FAM89A: variants seen among roughly 807,000 people sequenced by gnomAD.
FAM89A encodes family with sequence similarity 89 member A, also known as protein FAM89A.
A neutral mutation model predicts 7.1 loss-of-function variants in FAM89A; 10 were observed. That is an observed-to-expected ratio of 1.40 (90% confidence interval 0.86 to 2.38). FAM89A has a LOEUF of 2.38. FAM89A is among the 30% of genes most tolerant of loss of function. FAM89A has a pLI of 0.00. For missense variants in FAM89A, 276 were observed against 262.8 expected (o/e 1.05, Z -0.35); for synonymous variants, 157 against 129.3 (o/e 1.21, Z -1.45).
rs747038935 is a variant in FAM89A at position 231,029,178 on chromosome 1, GA to G, written c.292-9053del. On this transcript the variant is annotated intron_variant, in intron 1 of 1. Coordinates refer to ENST00000366654, the MANE Select transcript of FAM89A (RefSeq NM_198552.3). ...ACCAAAACATCATGAAAAATGTTAA[GA>G]TTTTTTTAGAAATTAAAAAACTGCC... is the stretch of plus-strand genomic sequence containing the variant. 5.3e-5 allele frequency among the ~76,000 whole-genome samples: 8 copies of G among 152,304 alleles called. No homozygotes were observed. In the East Asian group the frequency reaches 5.8e-4, roughly 11 times the overall value.
rs1231122759 is a variant in FAM89A at position 231,040,014 on chromosome 1, G to A, written c.198C>T (p.Arg66=). 3 of 1,423,258 alleles carry A rather than the reference G, an allele frequency of 2.1e-6. No individual in the cohort carries two copies. The highest frequency in any genetic ancestry group is 2.9e-5 in the South Asian group (2 of 69,626). 88.2% of individuals were successfully genotyped at this position (1,423,258 alleles called of 1,614,324 possible). A position where few individuals can be genotyped will look rare whatever the true frequency, so the allele number is the denominator to read the frequency against. ...QKSRIQDELS[R]GGPGGGGARA... is the part of the protein sequence containing the mutation. Reference sequence around the variant, plus strand: ...GGGCCCCGCCGCCGCCCGGGCCCCCGCGGCTCAGCTCGTCCTGGATGCGCG... The same window carrying A: ...GGGCCCCGCCGCCGCCCGGGCCCCCACGGCTCAGCTCGTCCTGGATGCGCG... The change falls in exon 1 of 2, where the codon CGC becomes CGT. Residue 66 remains arginine, a synonymous_variant. Transcript: ENST00000366654.
At chr1:231,021,345 G>C (rs1229311149) in intron 1 of FAM89A, among the ~76,000 whole-genome samples, 1 of 152,220 alleles carries the variant, frequency 6.6e-6, no homozygotes, top group Non-Finnish European at 1.5e-5. Context: ...ATGCCTCCCG[G>C]GCTAAAGCAC....
chr1:231,040,159 C>A lies in FAM89A; in HGVS notation c.53G>T (p.Gly18Val). Residue 18 changes from glycine to valine, a missense_variant, in exon 1 of 2, where the codon GGG becomes GTG. Gly to Val is a moderately radical substitution (Grantham distance 109). Coordinates refer to ENST00000366654, the MANE Select transcript of FAM89A (RefSeq NM_198552.3). Reference sequence around the variant, plus strand: ...CGGGGGCAGCCCGTCCACCCGCAGCCCCCGGACCGCGCCGTTGCCCGCGGC... The same window carrying A: ...CGGGGGCAGCCCGTCCACCCGCAGCACCCGGACCGCGCCGTTGCCCGCGGC... ...PGAAGNGAVR[G>V]LRVDGLPPLP... 8.2e-7 allele frequency: 1 copy of A among 1,223,946 alleles called. No individual in the cohort carries two copies. The highest frequency in any genetic ancestry group is 3.1e-5 in the South Asian group (1 of 31,838). 75.8% of individuals were successfully genotyped at this position (1,223,946 alleles called of 1,614,324 possible). A position where few individuals can be genotyped will look rare whatever the true frequency, so the allele number is the denominator to read the frequency against.
intron 1 of FAM89A, among the ~76,000 whole-genome samples, chr1:231,031,865 A>G (rs1210462572): frequency 6.6e-6 from 1 of 151,870 alleles, no homozygotes; most frequent in Non-Finnish European, 1.5e-5. Context: ...TGCAATACAC[A>G]TCCATGTATA....
chr1:231,020,263 G>T, intron 1 of FAM89A, 137 bp from the exon 2 acceptor site: 1 of 950,606 alleles, frequency 1.1e-6, no homozygotes, highest in Non-Finnish European at 1.5e-6. Context: ...TCACTCGGAT[G>T]CTTTGGATTT....
In FAM89A at chr1:231,039,903, T is replaced by C; in HGVS notation, c.291+18A>G. On this transcript the variant is annotated intron_variant, in intron 1 of 1. Transcript: ENST00000366654. ...GAGCCCGGCCGGGAAGAGCCCCAGC[T>C]CGCGGAGCCCCACTCACCATCTCTT... The C allele has an allele frequency of 7.7e-7, 1 of 1,290,538 alleles. No homozygotes were observed. 79.9% of individuals were successfully genotyped at this position (1,290,538 alleles called of 1,614,324 possible). A position where few individuals can be genotyped will look rare whatever the true frequency, so the allele number is the denominator to read the frequency against.
chr1:231,024,978 A>C (rs978312959), intron 1 of FAM89A, among the ~76,000 whole-genome samples: 66 of 124,458 alleles, frequency 5.3e-4, no homozygotes, highest in African/African-American at 1.9e-3. Flanking sequence ...GCTGGAGTGT[A>C]GTGGTGTAAT....
intron 1 of FAM89A, among the ~76,000 whole-genome samples, chr1:231,029,909 A>G (rs1558255997): frequency 6.6e-6 from 1 of 152,238 alleles, no homozygotes. Context: ...GAAAGCAGAG[A>G]TCCAATCGAT....
At chr1:231,037,181 A>G (rs1317519412) in intron 1 of FAM89A, among the ~76,000 whole-genome samples, 1 of 152,224 alleles carries the variant, frequency 6.6e-6, no homozygotes, top group African/African-American at 2.4e-5. Context: ...ATGGGAGTTC[A>G]ACTCTCAGCA....
At chr1:231,030,954 A>G (rs1680056479) in intron 1 of FAM89A, among the ~76,000 whole-genome samples, 1 of 152,102 alleles carries the variant, frequency 6.6e-6, no homozygotes, top group Non-Finnish European at 1.5e-5. Context: ...CACAAAAAAT[A>G]TAAAAATCAG....
intron 1 of FAM89A, among the ~76,000 whole-genome samples, chr1:231,034,772 C>CAAAA (rs60902378): frequency 8.5e-5 from 6 of 70,878 alleles, no homozygotes; most frequent in Non-Finnish European, 1.7e-4. Context: ...AACTCTGTCT[C>CAAAA]AAAAAAAAAA....
At chr1:231,031,048 C>T (rs944001745) in intron 1 of FAM89A, among the ~76,000 whole-genome samples, 6 of 152,062 alleles carry the variant, frequency 3.9e-5, no homozygotes, top group Admixed American at 6.6e-5. Context: ...AGGCAGAGAC[C>T]ACAGTGAGCC....
At chr1:231,028,403 C>T (rs566085614) in intron 1 of FAM89A, 1 of 152,222 alleles carries the variant, frequency 6.6e-6, no homozygotes, top group South Asian at 2.1e-4. Flanking sequence ...GAGCAACCAT[C>T]CAAAAGGACT....
intron 1 of FAM89A, among the ~76,000 whole-genome samples, chr1:231,020,927 G>C (rs1679865216): frequency 6.6e-6 from 1 of 152,184 alleles, no homozygotes; most frequent in African/African-American, 2.4e-5. Context: ...AACAGGAAAT[G>C]CATCGTTTAC....
chr1:231,037,590 T>G (rs931045556), intron 1 of FAM89A, among the ~76,000 whole-genome samples: 4 of 152,218 alleles, frequency 2.6e-5, no homozygotes, highest in Non-Finnish European at 4.4e-5. Context: ...TGCACCCTGC[T>G]GTAGAATTCA....
chr1:231,039,914 C>T lies in FAM89A; in HGVS notation c.291+7G>A. On this transcript the variant is annotated splice_region_variant and intron_variant, in intron 1 of 1. Transcript: ENST00000366654. ...GGAAGAGCCCCAGCTCGCGGAGCCC[C>T]ACTCACCATCTCTTTGCGGAGCAGC... 12 of 1,314,250 alleles carry T rather than the reference C, an allele frequency of 9.1e-6. No homozygotes were observed. Among genetic ancestry groups the T allele is most frequent in the Non-Finnish European group, 1.1e-5 (11 of 1,035,878 alleles). 81.4% of individuals were successfully genotyped at this position (1,314,250 alleles called of 1,614,324 possible).
chr1:231,020,234 C>A, intron 1 of FAM89A, 108 bp from the exon 2 acceptor site: 1 of 1,161,720 alleles, frequency 8.6e-7, no homozygotes, highest in East Asian at 2.6e-5. Flanking sequence ...TCCTTCCACA[C>A]GGCGCATGAT....
intron 1 of FAM89A, among the ~76,000 whole-genome samples, chr1:231,039,415 G>T (rs767886836): frequency 6.6e-6 from 1 of 152,224 alleles, no homozygotes; most frequent in Non-Finnish European, 1.5e-5. Context: ...ATCGGATCAC[G>T]GACGCGCGGC....
chr1:231,036,767 C>T (rs2103077399), intron 1 of FAM89A, among the ~76,000 whole-genome samples: 1 of 152,300 alleles, frequency 6.6e-6, no homozygotes, highest in East Asian at 1.9e-4. Flanking sequence ...TATCTCCAGA[C>T]CAAAACCTCT....
Sources: allele counts gnomAD v4.1 joint callset (sites outside exome capture counted in the v4.1 genomes callset), GRCh38; gene constraint gnomAD v4.1.1; transcripts MANE v1.5; gene names NCBI Gene and HGNC (gene_info 2026-07-23, HGNC 2026-07-21).